ACKR3: variants seen among roughly 807,000 people sequenced by gnomAD.
ACKR3 encodes the protein C-X-C chemokine receptor type 7.
ACKR3 carries 6 observed loss-of-function variants against 22.4 expected under a neutral mutation model. That is an observed-to-expected ratio of 0.27 (90% CI 0.15 to 0.53). The LOEUF (loss-of-function observed/expected upper bound fraction) is 0.53. ACKR3 is among the 20% of genes least tolerant of loss of function. The pLI is 0.96. For synonymous variants in ACKR3, 209 were observed against 205.2 expected (o/e 1.02, Z -0.16); for missense variants, 396 against 475.2 (o/e 0.83, Z 1.55).
the ACKR3 span, among the ~76,000 whole-genome samples, chr2:236,545,132 G>A: frequency 3.3e-5 from 5 of 152,178 alleles, no homozygotes; most frequent in African/African-American, 1.2e-4. The surrounding 1 kb of genome is among the most constrained non-coding windows in gnomAD (Gnocchi z 5.3). Flanking sequence ...CTTGGATTCT[G>A]TGGGACACCC....
chr2:236,560,574 G>A, the ACKR3 span, among the ~76,000 whole-genome samples: 1 of 151,968 alleles, frequency 6.6e-6, no homozygotes, highest in Non-Finnish European at 1.5e-5. Context: ...ATATATTTTA[G>A]AGATTAACCC....
chr2:236,561,527 A>G, the ACKR3 span, among the ~76,000 whole-genome samples: 3 of 148,208 alleles, frequency 2.0e-5, no homozygotes, highest in Non-Finnish European at 3.0e-5. Flanking sequence ...TTTTTTTTTG[A>G]GACGGAGTCT....
the ACKR3 span, among the ~76,000 whole-genome samples, chr2:236,550,022 C>T: frequency 3.9e-5 from 6 of 152,222 alleles, no homozygotes; most frequent in Non-Finnish European, 7.3e-5. This position sits in a 1 kb window ranked among gnomAD's most constrained non-coding sequence, Gnocchi z 4.6. Flanking sequence ...GCACTGTCTG[C>T]CCAGGTACCC....
intron 1 of ACKR3, among the ~76,000 whole-genome samples, chr2:236,576,418 TG>T (rs1691413367): frequency 6.6e-6 from 1 of 152,184 alleles, no homozygotes; most frequent in African/African-American, 2.4e-5. Context: ...CAGGGCCCGC[TG>T]GGGGTTCATT....
chr2:236,551,276 A>G, the ACKR3 span, among the ~76,000 whole-genome samples: 1 of 151,988 alleles, frequency 6.6e-6, no homozygotes, highest in African/African-American at 2.4e-5. Context: ...CCCAAGCCCC[A>G]TTTCCCCTCC....
At chr2:236,554,622 G>T in the ACKR3 span, among the ~76,000 whole-genome samples, 1 of 152,314 alleles carries the variant, frequency 6.6e-6, no homozygotes, top group East Asian at 1.9e-4. Flanking sequence ...CAAGAAAGCT[G>T]TTCATGGGGA....
chr2:236,565,374 T>C (rs755892297), upstream of ACKR3, among the ~76,000 whole-genome samples: 2 of 152,198 alleles, frequency 1.3e-5, no homozygotes, highest in Non-Finnish European at 2.9e-5. Context: ...ACTTTGACCT[T>C]CCTGCTGTTT....
At chr2:236,544,699 C>T in the ACKR3 span, among the ~76,000 whole-genome samples, 1 of 152,044 alleles carries the variant, frequency 6.6e-6, no homozygotes, top group Non-Finnish European at 1.5e-5. The surrounding 1 kb of genome is among the most constrained non-coding windows in gnomAD (Gnocchi z 5.0). Flanking sequence ...GGATGGTGGT[C>T]TTGTAACCGA....
At chr2:236,568,360 C>A (rs1691233055), upstream of ACKR3, among the ~76,000 whole-genome samples, 1 of 152,234 alleles carries the variant, frequency 6.6e-6, no homozygotes, top group Non-Finnish European at 1.5e-5. Context: ...AGAAACAGGA[C>A]AGAAAAAGTC....
the ACKR3 span, among the ~76,000 whole-genome samples, chr2:236,557,669 G>A: frequency 6.6e-6 from 1 of 152,182 alleles, no homozygotes. Context: ...GAAAGTTTGA[G>A]AATGAGATAT....
At chr2:236,551,404 C>A in the ACKR3 span, among the ~76,000 whole-genome samples, 21 of 152,306 alleles carry the variant, frequency 1.4e-4, no homozygotes, top group Non-Finnish European at 2.5e-4. Flanking sequence ...GTGCTCCTGG[C>A]CCCCAGGAGG....
Position 236,580,984 on chromosome 2 carries a change from C to T in ACKR3, c.519C>T (p.Phe173=). ...VVCILVWLLA[F]CVSLPDTYYL... ...GCATCCTGGTGTGGCTGCTGGCCTT[C>T]TGCGTGTCTCTGCCTGACACCTACT... The change falls in exon 2 of 2, where the codon TTC becomes TTT. Residue 173 remains phenylalanine, a synonymous_variant. Coordinates refer to ENST00000272928, the MANE Select transcript of ACKR3 (RefSeq NM_020311.3). 6.2e-7 allele frequency: 1 copy of T among 1,614,174 alleles called. No homozygotes were observed. Among genetic ancestry groups the T allele is most frequent in the South Asian group, 1.1e-5 (1 of 91,074 alleles).
the ACKR3 span, among the ~76,000 whole-genome samples, chr2:236,556,475 G>A: frequency 6.6e-6 from 1 of 152,096 alleles, no homozygotes; most frequent in African/African-American, 2.4e-5. Context: ...TATATGACGG[G>A]GGCAGGGGGC....
the ACKR3 span, among the ~76,000 whole-genome samples, chr2:236,562,577 C>T: frequency 3.9e-5 from 6 of 151,958 alleles, no homozygotes; most frequent in African/African-American, 1.5e-4. Flanking sequence ...GTGAATACTG[C>T]CAAAGTGGAC....
At chr2:236,544,935 A>G in the ACKR3 span, among the ~76,000 whole-genome samples, 1 of 152,152 alleles carries the variant, frequency 6.6e-6, no homozygotes, top group Non-Finnish European at 1.5e-5. The surrounding 1 kb of genome is among the most constrained non-coding windows in gnomAD (Gnocchi z 5.0). Context: ...ACACTTGGAT[A>G]TATTTGTAGA....
the ACKR3 span, among the ~76,000 whole-genome samples, chr2:236,549,691 G>C: frequency 6.6e-6 from 1 of 152,170 alleles, no homozygotes; most frequent in African/African-American, 2.4e-5. This position sits in a 1 kb window ranked among gnomAD's most constrained non-coding sequence, Gnocchi z 5.3. Context: ...CTTGTGTGTG[G>C]TCCGTGTCCC....
intron 1 of ACKR3, among the ~76,000 whole-genome samples, chr2:236,579,864 C>A (rs1311290833): frequency 6.6e-6 from 1 of 152,126 alleles, no homozygotes; most frequent in East Asian, 1.9e-4. Flanking sequence ...CGCCTGAGAC[C>A]CAGGTTTATA....
At chr2:236,571,109 T>G (rs1344291463) in intron 1 of ACKR3, among the ~76,000 whole-genome samples, 1 of 152,266 alleles carries the variant, frequency 6.6e-6, no homozygotes, top group Non-Finnish European at 1.5e-5. Flanking sequence ...AAGTGGAGGC[T>G]GCTGGTTTCT....
At chr2:236,561,911 G>A in the ACKR3 span, among the ~76,000 whole-genome samples, 1 of 152,240 alleles carries the variant, frequency 6.6e-6, no homozygotes, top group Non-Finnish European at 1.5e-5. Flanking sequence ...CCTGTCAACT[G>A]ATAATAAAAG....
Sources: gnomAD v4.1 joint callset for allele counts (sites outside exome capture counted in the v4.1 genomes callset) on GRCh38, gnomAD v4.1.1 for gene constraint, Gnocchi (gnomAD v3.1) non-coding constraint, MANE v1.5 for transcripts, NCBI Gene and HGNC (gene_info 2026-07-23, HGNC 2026-07-21) for gene names.